Variants in LIMS4 observed in about 807,000 individuals in gnomAD.
The protein encoded by LIMS4 is LIM and senescent cell antigen-like-containing domain protein 4.
chr2:110,391,984 A>T, the LIMS4 span, among the ~76,000 whole-genome samples: 1 of 150,910 alleles, frequency 6.6e-6, no homozygotes, highest in East Asian at 1.9e-4. Flanking sequence ...AGCACGCCTG[A>T]GAAGCATTTG....
chr2:110,362,120 G>T, the LIMS4 span: 3 of 765,466 alleles, frequency 3.9e-6, no homozygotes, highest in Non-Finnish European at 6.8e-6. Context: ...AGCAGCATCT[G>T]GCAGATAGTA....
At chr2:110,403,236 C>A in the LIMS4 span, 2 of 50,522 alleles carry the variant, frequency 4.0e-5, 1 homozygote, top group Admixed American at 5.2e-4. Flanking sequence ...AGTCTTTTTT[C>A]TTCATGGCTC....
the LIMS4 span, among the ~76,000 whole-genome samples, chr2:110,371,608 A>G: frequency 7.4e-6 from 1 of 135,744 alleles, no homozygotes; most frequent in Non-Finnish European, 1.5e-5. Context: ...CTGGAACCTG[A>G]TAACTATCTG....
At chr2:110,382,129 A>G in the LIMS4 span, among the ~76,000 whole-genome samples, 1 of 118,242 alleles carries the variant, frequency 8.5e-6, no homozygotes, top group Non-Finnish European at 1.6e-5. Flanking sequence ...ATATATATAT[A>G]TATATATATA....
At chr2:110,366,796 A>T in the LIMS4 span, among the ~76,000 whole-genome samples, 1 of 151,726 alleles carries the variant, frequency 6.6e-6, no homozygotes, top group South Asian at 2.1e-4. Context: ...AAAACCCCAT[A>T]GTCTCTGCCT....
the LIMS4 span, among the ~76,000 whole-genome samples, chr2:110,390,301 G>A: frequency 5.6e-5 from 8 of 142,166 alleles, no homozygotes; most frequent in Non-Finnish European, 1.0e-4. Context: ...AAAGACCCCA[G>A]TGTGGGAGCC....
At chr2:110,364,837 C>CA in the LIMS4 span, among the ~76,000 whole-genome samples, 1 of 141,978 alleles carries the variant, frequency 7.0e-6, no homozygotes, top group Non-Finnish European at 1.5e-5. Context: ...AAAAACAAAA[C>CA]AAACAAACAA....
the LIMS4 span, among the ~76,000 whole-genome samples, chr2:110,411,391 C>A: frequency 1.9e-4 from 27 of 139,458 alleles, 1 homozygote; most frequent in Admixed American, 1.9e-3. Flanking sequence ...TTAATGAACA[C>A]ACACCAACTT....
At chr2:110,442,764 T>C (rs1406239873), downstream of LIMS4, among the ~76,000 whole-genome samples, 1 of 148,922 alleles carries the variant, frequency 6.7e-6, no homozygotes, top group African/African-American at 2.5e-5. Context: ...ACTGGTGCAA[T>C]TGCAGTTCAC....
the LIMS4 span, among the ~76,000 whole-genome samples, chr2:110,373,785 T>A: frequency 6.7e-6 from 1 of 148,930 alleles, no homozygotes; most frequent in African/African-American, 2.6e-5. Context: ...GTGGGTGATG[T>A]CTACCTTCCT....
chr2:110,371,808 A>C, the LIMS4 span, among the ~76,000 whole-genome samples: 1 of 142,798 alleles, frequency 7.0e-6, no homozygotes, highest in East Asian at 2.1e-4. Flanking sequence ...CCTGAATGGC[A>C]GACACCTGAG....
At chr2:110,366,516 A>C in the LIMS4 span, among the ~76,000 whole-genome samples, 1 of 151,070 alleles carries the variant, frequency 6.6e-6, no homozygotes, top group Non-Finnish European at 1.5e-5. Context: ...AACCCTTAAT[A>C]AACTAGGTAT....
chr2:110,390,878 A>G, the LIMS4 span, among the ~76,000 whole-genome samples: 2 of 152,408 alleles, frequency 1.3e-5, no homozygotes, highest in East Asian at 1.9e-4. Flanking sequence ...CACAAAACAT[A>G]TAAGTGGGGA....
At chr2:110,382,108 T>A in the LIMS4 span, among the ~76,000 whole-genome samples, 715 of 20,328 alleles carry the variant, frequency 0.035, 9 homozygotes, top group East Asian at 0.042. Flanking sequence ...AATATATATA[T>A]ATATATATAT....
the LIMS4 span, among the ~76,000 whole-genome samples, chr2:110,391,114 G>A: frequency 6.6e-6 from 1 of 150,428 alleles, no homozygotes; most frequent in Non-Finnish European, 1.5e-5. Context: ...GCTTAGAAAG[G>A]GGGACAGCGT....
the LIMS4 span, chr2:110,361,950 A>T: frequency 7.1e-7 from 1 of 1,405,754 alleles, no homozygotes; most frequent in Non-Finnish European, 1.0e-6. Context: ...ACATCAGAGT[A>T]CACAACATTG....
the LIMS4 span, among the ~76,000 whole-genome samples, chr2:110,392,111 T>A: frequency 6.6e-6 from 1 of 152,100 alleles, no homozygotes; most frequent in South Asian, 2.1e-4. Context: ...GTGCATTCTA[T>A]TTTCTTTTCA....
the LIMS4 span, among the ~76,000 whole-genome samples, chr2:110,407,710 C>A: frequency 7.9e-6 from 1 of 126,382 alleles, no homozygotes; most frequent in Non-Finnish European, 1.7e-5. Flanking sequence ...GAGTTCAAGG[C>A]TGCAGTGAGC....
chr2:110,442,662 C>CATAT (rs1553509916), downstream of LIMS4, among the ~76,000 whole-genome samples: 14 of 141,432 alleles, frequency 9.9e-5, no homozygotes, highest in East Asian at 4.0e-4. Flanking sequence ...TATATACACA[C>CATAT]ATATATATAT....
Sources: allele counts gnomAD v4.1 joint callset (sites outside exome capture counted in the v4.1 genomes callset), GRCh38; gene constraint gnomAD v4.1.1; transcripts MANE v1.5; gene names NCBI Gene and HGNC (gene_info 2026-07-23, HGNC 2026-07-21).